Variants in GALNT7 observed in about 807,000 individuals in gnomAD.
GALNT7 encodes polypeptide N-acetylgalactosaminyltransferase 7.
A neutral mutation model predicts 82.1 loss-of-function variants in GALNT7; 60 were observed. The ratio of observed to expected loss-of-function variants is 0.73; its 90% CI spans 0.59 to 0.91. The LOEUF is 0.91. Ranked by LOEUF, GALNT7 falls within the 40% of genes least tolerant of loss-of-function variation. GALNT7 has a pLI of 0.00. For missense variants in GALNT7, 660 were observed against 804.2 expected, an observed-to-expected ratio of 0.82 and a Z score of 2.17; for synonymous variants, 243 against 275.1, an observed-to-expected ratio of 0.88 and a Z score of 1.15.
chr4:173,184,981 C>T (rs1468039998), intron 1 of GALNT7, among the ~76,000 whole-genome samples: 1 of 152,162 alleles, frequency 6.6e-6, no homozygotes, highest in East Asian at 1.9e-4. Flanking sequence ...TGGTACTATC[C>T]ATTTAGATAC....
rs1737653358 is a variant in GALNT7, at chr4:173,317,641, G to C, written c.1616G>C (p.Gly539Ala). Residue 539 changes from glycine (G) to alanine (A), a missense_variant, in exon 10 of 12, where the codon GGC becomes GCC. Coordinates refer to ENST00000265000, the MANE Select transcript of GALNT7 (RefSeq NM_017423.3). The stretch of plus-strand genomic sequence containing the variant: ...CTTTATTCATTTTTTTAGATCAGAG[G>C]CTTCGAAACTGCTTACTGCATTGAT... ...PKNVDWGEIR[G>A]FETAYCIDSM... 6.2e-7 allele frequency: 1 copy of C among 1,604,766 alleles called. No individual in the cohort carries two copies.
chr4:173,295,546 T>C lies in GALNT7; in HGVS notation c.885+20T>C. 2 of 1,605,542 alleles carry C rather than the reference T, an allele frequency of 1.2e-6. No homozygotes were observed. The highest frequency in any genetic ancestry group is 1.7e-6 in the Non-Finnish European group (2 of 1,175,072). ...GGACAGGTAGGAAGCATTTGATATCTACAATGTCAACATTTTGGGTTTGGT... is the reference window on the plus strand; with the variant it reads ...GGACAGGTAGGAAGCATTTGATATCCACAATGTCAACATTTTGGGTTTGGT... On this transcript the variant is annotated intron_variant, in intron 4 of 11. Coordinates refer to ENST00000265000, the MANE Select transcript of GALNT7 (RefSeq NM_017423.3).
chr4:173,232,500 A>G (rs981309584), intron 1 of GALNT7, among the ~76,000 whole-genome samples: 2 of 151,716 alleles, frequency 1.3e-5, no homozygotes, highest in Admixed American at 6.6e-5. Context: ...TGGCACGACC[A>G]TAGTTCACTG....
At chr4:173,221,875 C>T (rs915081994) in intron 1 of GALNT7, among the ~76,000 whole-genome samples, 3 of 152,224 alleles carry the variant, frequency 2.0e-5, no homozygotes, top group Non-Finnish European at 2.9e-5. Flanking sequence ...CAACTTTCCC[C>T]ATTCTTTAAT....
chr4:173,172,793 T>C lies in GALNT7; in HGVS notation c.126+3832T>C, dbSNP rs115649301. Among the ~76,000 whole-genome samples, 807 of 152,238 alleles carry C rather than the reference T, an allele frequency of 5.3e-3. 9 individuals carry two copies. Among genetic ancestry groups the C allele is most frequent in the African/African-American group, 0.019 (776 of 41,552 alleles). ...TAGTGAGAAACTAGGAGATAAATATTGTTGGAACGTGGAGAATGACAAGTA... is the reference window on the plus strand; with the variant it reads ...TAGTGAGAAACTAGGAGATAAATATCGTTGGAACGTGGAGAATGACAAGTA... On this transcript the variant is annotated intron_variant, in intron 1 of 11. Coordinates refer to ENST00000265000, the MANE Select transcript of GALNT7 (RefSeq NM_017423.3).
chr4:173,254,517 T>C (rs907110806), intron 2 of GALNT7, among the ~76,000 whole-genome samples: 4 of 152,222 alleles, frequency 2.6e-5, no homozygotes, highest in Non-Finnish European at 5.9e-5. Flanking sequence ...AGATTTCAGC[T>C]AGAGCTAAAA....
intron 1 of GALNT7, among the ~76,000 whole-genome samples, chr4:173,177,376 G>T (rs1732081489): frequency 6.6e-6 from 1 of 152,150 alleles, no homozygotes; most frequent in South Asian, 2.1e-4. Flanking sequence ...AAGTGAAGGT[G>T]TCTTAACCAG....
intron 1 of GALNT7, among the ~76,000 whole-genome samples, chr4:173,227,329 G>GTTTGTT (rs1030385626): frequency 2.0e-5 from 3 of 151,896 alleles, no homozygotes; most frequent in Non-Finnish European, 2.9e-5. Flanking sequence ...TTTTTTGTTT[G>GTTTGTT]TTTGTTTTTG....
chr4:173,266,969 A>G (rs73001512), intron 2 of GALNT7, among the ~76,000 whole-genome samples: 12,286 of 148,992 alleles, frequency 0.082, 1,072 homozygotes, highest in African/African-American at 0.2. Context: ...GCTAATGGCT[A>G]TAAACATACA....
chr4:173,210,127 C>A (rs1036751819), intron 1 of GALNT7, among the ~76,000 whole-genome samples: 3 of 151,342 alleles, frequency 2.0e-5, no homozygotes, highest in African/African-American at 7.3e-5. Flanking sequence ...GAGCGAGACT[C>A]CGTCTCAAAA....
At chr4:173,274,162 A>AT (rs555205725) in intron 2 of GALNT7, among the ~76,000 whole-genome samples, 98 of 152,220 alleles carry the variant, frequency 6.4e-4, no homozygotes, top group African/African-American at 2.0e-3. Flanking sequence ...TCCCTGCCAG[A>AT]TTTTTTTTCT....
chr4:173,210,712 G>A (rs1252865320), intron 1 of GALNT7, among the ~76,000 whole-genome samples: 1 of 152,158 alleles, frequency 6.6e-6, no homozygotes, highest in Non-Finnish European at 1.5e-5. Context: ...GATTGCAGGG[G>A]TGAGCCACCA....
intron 1 of GALNT7, among the ~76,000 whole-genome samples, chr4:173,183,759 G>A (rs1201778441): frequency 2.0e-5 from 3 of 150,958 alleles, no homozygotes; most frequent in Non-Finnish European, 4.4e-5. Flanking sequence ...CCTCCCGGAC[G>A]GGGCGGCTGG....
Position 173,235,850 on chromosome 4 carries a change from G to A in GALNT7, c.127-12130G>A, listed in dbSNP as rs572962236. 2.4e-4 allele frequency among the ~76,000 whole-genome samples: 37 copies of A among 152,182 alleles called. 1 individual carries two copies. The highest frequency in any genetic ancestry group is 8.3e-4 in the South Asian group (4 of 4,818). On this transcript the variant is annotated intron_variant, in intron 1 of 11. Coordinates refer to ENST00000265000, the MANE Select transcript of GALNT7 (RefSeq NM_017423.3). ...ATTACAGGCGTGAGCCACCACGCCCGGCCACAAGAAAGCCTTTTCTAACTT... is the reference window on the plus strand; with the variant it reads ...ATTACAGGCGTGAGCCACCACGCCCAGCCACAAGAAAGCCTTTTCTAACTT...
chr4:173,306,064 A>G (rs1401774450), intron 8 of GALNT7, among the ~76,000 whole-genome samples: 1 of 152,094 alleles, frequency 6.6e-6, no homozygotes, highest in Non-Finnish European at 1.5e-5. Context: ...GTATTCTTCA[A>G]TTTATTTCAT....
intron 2 of GALNT7, among the ~76,000 whole-genome samples, chr4:173,290,366 A>T (rs924537887): frequency 4.6e-5 from 7 of 152,234 alleles, no homozygotes; most frequent in Non-Finnish European, 2.9e-5. Context: ...CACATGGGAG[A>T]AAAGTCTATA....
At chr4:173,248,488 C>A (rs766095033) in intron 2 of GALNT7, 48 bp downstream of exon 2, 1 of 1,188,464 alleles carries the variant, frequency 8.4e-7, no homozygotes, top group Admixed American at 2.1e-5. Context: ...CTGTTGTTTT[C>A]ATAGGTTTTT....
intron 1 of GALNT7, among the ~76,000 whole-genome samples, chr4:173,222,829 T>C (rs1219085934): frequency 6.6e-6 from 1 of 152,040 alleles, no homozygotes; most frequent in Non-Finnish European, 1.5e-5. Flanking sequence ...ACCATTGACC[T>C]GCAACGATGT....
chr4:173,248,574 C>G, intron 2 of GALNT7, 134 bp downstream of exon 2: 2 of 638,956 alleles, frequency 3.1e-6, no homozygotes, highest in Non-Finnish European at 5.3e-6. Flanking sequence ...GATCTTTGAA[C>G]AGCAAAATGG....
Sources: gnomAD v4.1 joint callset for allele counts (sites outside exome capture counted in the v4.1 genomes callset) on GRCh38, gnomAD v4.1.1 for gene constraint, MANE v1.5 for transcripts, NCBI Gene and HGNC (gene_info 2026-07-23, HGNC 2026-07-21) for gene names.